Variants in ZNF148 observed in about 807,000 individuals in gnomAD.
The protein encoded by ZNF148 is Beta-Enolase Repressor Factor-1.
Under a neutral mutation model 67.7 loss-of-function variants are expected in ZNF148, and 7 were observed. That is an observed-to-expected ratio of 0.10 (90% CI 0.06 to 0.19). ZNF148 has a LOEUF of 0.19. Among genes scored for constraint, ZNF148 ranks in the 10% least tolerant of loss-of-function variants. The pLI, the probability that ZNF148 is intolerant of heterozygous loss-of-function variation, is 1.00. For missense variants in ZNF148, 583 were observed against 947.1 expected, an observed-to-expected ratio of 0.62 and a Z score of 5.05; for synonymous variants, 333 against 330.7, an observed-to-expected ratio of 1.01 and a Z score of -0.08.
intron 1 of ZNF148, among the ~76,000 whole-genome samples, chr3:125,360,949 T>C (rs967015667): frequency 6.6e-6 from 1 of 151,838 alleles, no homozygotes; most frequent in African/African-American, 2.4e-5. Context: ...GGAGAATTGC[T>C]TGAGCCCAGG....
chr3:125,315,481 G>C (rs1940443177), intron 3 of ZNF148, among the ~76,000 whole-genome samples: 1 of 152,004 alleles, frequency 6.6e-6, no homozygotes, highest in Admixed American at 6.6e-5. Context: ...GGCCGAGGCG[G>C]GCAGATCAGC....
rs1038256015 is a variant in ZNF148, at chr3:125,232,170, C to T, written c.*171G>A. ...AACATGTAAGGCAGTTCAAAGAATG[C>T]TGACTAACCAAACGAAATGCAGTTA... On this transcript the variant is annotated 3_prime_UTR_variant, in exon 9 of 9. Coordinates refer to ENST00000360647, the MANE Select transcript of ZNF148 (RefSeq NM_021964.3). The surrounding 1 kb of genome is among the most constrained non-coding windows in gnomAD (Gnocchi z 4.2). 4 of 769,128 alleles carry T rather than the reference C, an allele frequency of 5.2e-6. No homozygotes were observed. Among genetic ancestry groups the T allele is most frequent in the African/African-American group, 1.8e-5 (1 of 57,010 alleles). The allele number at this position is 769,128 out of a possible 1,614,324, so 47.6% of individuals were successfully genotyped here.
chr3:125,239,098 T>C (rs893311737), intron 7 of ZNF148, among the ~76,000 whole-genome samples: 2 of 152,158 alleles, frequency 1.3e-5, no homozygotes, highest in Non-Finnish European at 2.9e-5. Flanking sequence ...TTATCAGGAC[T>C]GAAGAAGAGG....
chr3:125,258,748 A>G (rs962671594), intron 7 of ZNF148, among the ~76,000 whole-genome samples: 3 of 152,326 alleles, frequency 2.0e-5, no homozygotes, highest in African/African-American at 7.2e-5. Context: ...ATTTTACTTA[A>G]AACAGTCTAA....
intron 7 of ZNF148, among the ~76,000 whole-genome samples, chr3:125,268,221 A>C (rs546256889): frequency 1.5e-5 from 2 of 136,386 alleles, no homozygotes; most frequent in African/African-American, 5.7e-5. Context: ...AAACTATTCT[A>C]AAATTTATAT....
intron 2 of ZNF148, among the ~76,000 whole-genome samples, chr3:125,328,527 A>G (rs1487766155): frequency 2.0e-5 from 3 of 152,156 alleles, no homozygotes; most frequent in Non-Finnish European, 4.4e-5. Flanking sequence ...TAATTTTAAT[A>G]GTGTGTAAAA....
At chr3:125,356,865 A>T (rs991286650) in intron 1 of ZNF148, 1 of 152,166 alleles carries the variant, frequency 6.6e-6, no homozygotes, top group African/African-American at 2.4e-5. Context: ...AGGCCTTAGG[A>T]TTGTTCTTAC....
intron 4 of ZNF148, among the ~76,000 whole-genome samples, chr3:125,288,521 G>C (rs1030146844): frequency 2.0e-5 from 3 of 151,458 alleles, no homozygotes; most frequent in African/African-American, 7.3e-5. Context: ...GCAGAAGTCA[G>C]GAAATCGTAA....
intron 7 of ZNF148, among the ~76,000 whole-genome samples, chr3:125,236,231 A>AT (rs971991809): frequency 6.6e-6 from 1 of 152,056 alleles, no homozygotes; most frequent in Non-Finnish European, 1.5e-5. Context: ...TTAAAAAAAA[A>AT]TTTTTTTCTT....
chr3:125,318,329 G>A (rs1940617162), intron 3 of ZNF148, among the ~76,000 whole-genome samples: 1 of 152,136 alleles, frequency 6.6e-6, no homozygotes, highest in Non-Finnish European at 1.5e-5. Context: ...ACACTAATAT[G>A]TAAATAATTA....
intron 1 of ZNF148, among the ~76,000 whole-genome samples, chr3:125,372,416 T>C (rs1942919664): frequency 6.6e-6 from 1 of 152,112 alleles, no homozygotes; most frequent in South Asian, 2.1e-4. Context: ...CTAAAATAAA[T>C]ATCAAAGGTC....
rs564785597 is a variant in ZNF148, at chr3:125,228,396, T to C, written c.*3945A>G. 3.9e-5 allele frequency: 6 copies of C among 152,548 alleles called. No individual in the cohort carries two copies. Among genetic ancestry groups the C allele is most frequent in the Admixed American group, 2.0e-4 (3 of 15,256 alleles). The allele number at this position is 152,548 out of a possible 1,614,324, so 9.4% of individuals were successfully genotyped here. Reference sequence around the variant, plus strand: ...CTGTGTAAACAGTGTTACGTTCCAATAGGAGGAACAATGGAATTTGCTTAT... The same window carrying C: ...CTGTGTAAACAGTGTTACGTTCCAACAGGAGGAACAATGGAATTTGCTTAT... On this transcript the variant is annotated 3_prime_UTR_variant, in exon 9 of 9. Coordinates refer to ENST00000360647, the MANE Select transcript of ZNF148 (RefSeq NM_021964.3).
chr3:125,270,449 T>G (rs771740776), intron 7 of ZNF148, among the ~76,000 whole-genome samples: 10 of 152,092 alleles, frequency 6.6e-5, no homozygotes, highest in Non-Finnish European at 1.0e-4. Flanking sequence ...AAAGAAGTAA[T>G]TGAGTATTTT....
intron 7 of ZNF148, among the ~76,000 whole-genome samples, chr3:125,261,865 AAAT>A (rs746472867): frequency 2.7e-5 from 4 of 150,640 alleles, no homozygotes; most frequent in Admixed American, 6.6e-5. Context: ...GCCACAGAGT[AAAT>A]AATATTAAGC....
intron 1 of ZNF148, among the ~76,000 whole-genome samples, chr3:125,340,277 G>A (rs1462496686): frequency 6.6e-6 from 1 of 152,170 alleles, no homozygotes; most frequent in Non-Finnish European, 1.5e-5. Flanking sequence ...GAAAACATCA[G>A]GAGAAGGAGA....
intron 3 of ZNF148, among the ~76,000 whole-genome samples, chr3:125,315,897 C>T (rs1940468279): frequency 1.3e-5 from 2 of 152,120 alleles, no homozygotes; most frequent in Admixed American, 1.3e-4. Context: ...TTTAAATGCA[C>T]AATCAAGTTG....
At chr3:125,302,123 T>C (rs139054597) in intron 4 of ZNF148, among the ~76,000 whole-genome samples, 1,978 of 151,722 alleles carry the variant, frequency 0.013, 47 homozygotes, top group African/African-American at 0.046. Flanking sequence ...ACACCAGTAA[T>C]CCCAGCACTT....
rs10576530 is a variant in ZNF148 at position 125,256,967 on chromosome 3, G to GT, written c.667+20758dup. 9.6e-3 allele frequency among the ~76,000 whole-genome samples: 1,040 copies of GT among 108,044 alleles called. 11 individuals carry two copies. The highest frequency in any genetic ancestry group is 0.053 in the South Asian group (170 of 3,200). 70.9% of individuals were successfully genotyped at this position (108,044 alleles called of 152,430 possible). The stretch of plus-strand genomic sequence containing the variant: ...TATGTTTTCAGTTCCAGAACTTCCA[G>GT]TTTTTTTTTTTTTTTTTTTTTTTTA... On this transcript the variant is annotated intron_variant, in intron 7 of 8. Coordinates refer to ENST00000360647, the MANE Select transcript of ZNF148 (RefSeq NM_021964.3).
chr3:125,322,561 T>C (rs994527486), intron 3 of ZNF148, among the ~76,000 whole-genome samples: 1 of 152,122 alleles, frequency 6.6e-6, no homozygotes, highest in East Asian at 1.9e-4. Context: ...GAGAATGCCC[T>C]TCTCTTTTTC....
Sources: allele counts gnomAD v4.1 joint callset (sites outside exome capture counted in the v4.1 genomes callset), GRCh38; gene constraint gnomAD v4.1.1; non-coding constraint Gnocchi (gnomAD v3.1); transcripts MANE v1.5; gene names NCBI Gene and HGNC (gene_info 2026-07-23, HGNC 2026-07-21).